Variants in ANKRD10 observed in about 807,000 individuals in gnomAD.
ANKRD10 encodes the protein ankyrin repeat domain 10, also known as ankyrin repeat domain-containing protein 10.
In ANKRD10, 14 loss-of-function variants were observed where a neutral mutation model predicts 27.0. The observed-to-expected ratio is 0.52, with a 90% CI of 0.34 to 0.81. ANKRD10 has a LOEUF of 0.81. Among genes scored for constraint, ANKRD10 ranks in the 40% least tolerant of loss-of-function variants. The pLI is 0.01. For synonymous variants in ANKRD10, 250 were observed against 224.5 expected, an observed-to-expected ratio of 1.11 and a Z score of -1.01; for missense variants, 493 against 544.0, an observed-to-expected ratio of 0.91 and a Z score of 0.93.
At position 110,914,756 on chromosome 13, in the gene ANKRD10, G is replaced by T. The variant is rs1404804356; in HGVS notation, c.179C>A (p.Thr60Lys). ...GAAATGCGCGGCCCAGTGCACGGGC[G>T]TCCAGCCATAGAAGGAGTCCTCAGA... ...LASEDSFYGW[T>K]PVHWAAHFGK... Residue 60 changes from threonine (T) to lysine (K), a missense_variant, in exon 1 of 6, where the codon ACG (threonine) becomes AAG (lysine). Coordinates refer to ENST00000267339, the MANE Select transcript of ANKRD10 (RefSeq NM_017664.4). The T allele has an allele frequency of 6.3e-7, 1 of 1,596,066 alleles. No individual in the cohort carries two copies. The highest frequency in any genetic ancestry group is 1.1e-5 in the South Asian group (1 of 88,064).
At chr13:110,902,308 T>C (rs2065407184) in intron 3 of ANKRD10, among the ~76,000 whole-genome samples, 1 of 152,212 alleles carries the variant, frequency 6.6e-6, no homozygotes, top group African/African-American at 2.4e-5. Context: ...ATATTAAATA[T>C]GCTCATCACC....
chr13:110,879,821 C>CT lies in ANKRD10; in HGVS notation c.1078dup (p.Ser360LysfsTer2). The stretch of plus-strand genomic sequence containing the variant: ...AATGTCTTCCACCCAGGAAGGCCTA[C>CT]TGGCTATGCAGCTACTTGGACTCCC... On this transcript the variant is annotated frameshift_variant, in exon 6 of 6. Transcript: ENST00000267339. LOFTEE classifies it low-confidence loss of function (END_TRUNC). 1 of 1,614,252 alleles carries CT rather than the reference C, an allele frequency of 6.2e-7. No individual in the cohort carries two copies. The highest frequency in any genetic ancestry group is 8.5e-7 in the Non-Finnish European group (1 of 1,180,038).
intron 1 of ANKRD10, 114 bp from the exon 2 acceptor site, chr13:110,910,884 T>C: frequency 8.8e-7 from 1 of 1,131,440 alleles, no homozygotes. Context: ...ACCAGTTTTT[T>C]AACAGATTAA....
intron 1 of ANKRD10, among the ~76,000 whole-genome samples, chr13:110,912,980 A>C (rs2138904146): frequency 6.6e-6 from 1 of 152,384 alleles, no homozygotes; most frequent in Non-Finnish European, 1.5e-5. Flanking sequence ...TTGATGACCA[A>C]GGTAAAGCTA....
intron 4 of ANKRD10, among the ~76,000 whole-genome samples, chr13:110,885,818 T>C (rs1223970586): frequency 1.3e-5 from 2 of 152,202 alleles, no homozygotes; most frequent in Non-Finnish European, 2.9e-5. Context: ...ACACACTCAA[T>C]TGGCGTTCAG....
At chr13:110,882,841 TC>T (rs1037415154) in intron 5 of ANKRD10, among the ~76,000 whole-genome samples, 5 of 152,180 alleles carry the variant, frequency 3.3e-5, no homozygotes, top group Non-Finnish European at 5.9e-5. Flanking sequence ...CTTCTTTTTT[TC>T]ATCCCCAGTG....
intron 2 of ANKRD10, among the ~76,000 whole-genome samples, chr13:110,907,776 G>T (rs1005743455): frequency 6.6e-6 from 1 of 152,108 alleles, no homozygotes; most frequent in Admixed American, 6.5e-5. Flanking sequence ...GGAGGGGAGA[G>T]AAGTAGTACA....
At chr13:110,898,149 T>C (rs1397572640) in intron 3 of ANKRD10, among the ~76,000 whole-genome samples, 1 of 152,208 alleles carries the variant, frequency 6.6e-6, no homozygotes, top group Non-Finnish European at 1.5e-5. Flanking sequence ...TCATTCCTAT[T>C]CCTAAATTGA....
intron 3 of ANKRD10, chr13:110,894,465 AAAT>A (rs999069295): frequency 3.4e-5 from 9 of 262,036 alleles, no homozygotes; most frequent in African/African-American, 2.0e-4. Flanking sequence ...AATTAGGGAC[AAAT>A]AATATTTTCT....
intron 1 of ANKRD10, among the ~76,000 whole-genome samples, chr13:110,913,039 G>A (rs1189492411): frequency 1.3e-5 from 2 of 152,190 alleles, no homozygotes; most frequent in African/African-American, 4.8e-5. Context: ...ATTTCAGTCG[G>A]TGTTTTTTAA....
intron 3 of ANKRD10, among the ~76,000 whole-genome samples, chr13:110,899,613 C>G (rs920000049): frequency 6.6e-6 from 1 of 152,160 alleles, no homozygotes; most frequent in African/African-American, 2.4e-5. Flanking sequence ...TTTAGGCTAG[C>G]AAGCTAAATG....
Position 110,906,050 on chromosome 13 carries a change from C to A in ANKRD10, c.438G>T (p.Ala146=), listed in dbSNP as rs746014087. Residue 146 remains alanine (A), a synonymous_variant, in exon 3 of 6, where the codon GCG becomes GCT. Transcript: ENST00000267339. ...ACACTTACTCGACGTGAGCCCCATTCGCCACAAGGGCACTGATGCATTCTA... is the reference window on the plus strand; with the variant it reads ...ACACTTACTCGACGTGAGCCCCATTAGCCACAAGGGCACTGATGCATTCTA... The part of the protein sequence containing the change: ...GSLECISALV[A]NGAHVDLRNA... The A allele has an allele frequency of 2.4e-5, 39 of 1,599,538 alleles. No individual in the cohort carries two copies. The highest frequency in any genetic ancestry group is 3.3e-5 in the Non-Finnish European group (39 of 1,171,798).
At chr13:110,896,392 C>G (rs1413849017) in intron 3 of ANKRD10, among the ~76,000 whole-genome samples, 7 of 152,188 alleles carry the variant, frequency 4.6e-5, no homozygotes, top group African/African-American at 1.7e-4. Flanking sequence ...ATATTCTACT[C>G]AGAGGAAATC....
chr13:110,897,447 A>G (rs1181449934), intron 3 of ANKRD10, among the ~76,000 whole-genome samples: 1 of 151,872 alleles, frequency 6.6e-6, no homozygotes, highest in Non-Finnish European at 1.5e-5. Flanking sequence ...TACCTTCCAC[A>G]TAAGTACAGT....
Position 110,906,961 on chromosome 13 carries a change from T to C in ANKRD10, c.364-837A>G, listed in dbSNP as rs1594627947. ...GAAACAACCTGAAAGACCATCTTCATAGGCTATCAGCTAAGCAAGAGAGGG... is the reference window on the plus strand; with the variant it reads ...GAAACAACCTGAAAGACCATCTTCACAGGCTATCAGCTAAGCAAGAGAGGG... On this transcript the variant is annotated intron_variant, in intron 2 of 5. Coordinates refer to ENST00000267339, the MANE Select transcript of ANKRD10 (RefSeq NM_017664.4). Among the ~76,000 whole-genome samples, 4 of 152,176 alleles carry C rather than the reference T, an allele frequency of 2.6e-5. No homozygotes were observed. In the South Asian group the frequency reaches 6.2e-4, roughly 24 times the overall value.
At chr13:110,913,989 G>T (rs567978411) in intron 1 of ANKRD10, among the ~76,000 whole-genome samples, 1 of 152,178 alleles carries the variant, frequency 6.6e-6, no homozygotes. Flanking sequence ...AAGCCTCCAC[G>T]GGAAGAGAAT....
At chr13:110,887,215 G>T (rs1369499123) in intron 4 of ANKRD10, among the ~76,000 whole-genome samples, 1 of 152,202 alleles carries the variant, frequency 6.6e-6, no homozygotes, top group Non-Finnish European at 1.5e-5. Context: ...TCTGAAATTT[G>T]GGGGTTGCAC....
Position 110,906,075 on chromosome 13 carries a change from A to G in ANKRD10, c.413T>C (p.Leu138Pro). Residue 138 changes from leucine (L) to proline (P), a missense_variant, in exon 3 of 6, where the codon CTA becomes CCA. Physicochemically the swap from Leu to Pro is moderately conservative, Grantham distance 98. Coordinates refer to ENST00000267339, the MANE Select transcript of ANKRD10 (RefSeq NM_017664.4). ...CGCCACAAGGGCACTGATGCATTCT[A>G]GGCTCCCAGAGCGAGCTGCCTTGTG... ...PIHKAARSGS[L>P]ECISALVANG... 1 of 1,604,856 alleles carries G rather than the reference A, an allele frequency of 6.2e-7. No homozygotes were observed. The highest frequency in any genetic ancestry group is 8.5e-7 in the Non-Finnish European group (1 of 1,175,094).
chr13:110,912,060 G>T (rs2065729153), intron 1 of ANKRD10, among the ~76,000 whole-genome samples: 1 of 152,232 alleles, frequency 6.6e-6, no homozygotes, highest in African/African-American at 2.4e-5. Context: ...CCAATACCAT[G>T]ATAGCCTCTG....
Sources: allele counts gnomAD v4.1 joint callset (sites outside exome capture counted in the v4.1 genomes callset), GRCh38; gene constraint gnomAD v4.1.1; transcripts MANE v1.5; gene names NCBI Gene and HGNC (gene_info 2026-07-23, HGNC 2026-07-21).